The following DSCAML1 variants were observed in gnomAD, a reference collection of about 807,000 sequenced individuals.
DSCAML1 encodes the protein cell adhesion molecule DSCAML1.
In DSCAML1, 38 loss-of-function variants were observed where a neutral mutation model predicts 200.5. That is an observed-to-expected ratio of 0.19 (90% CI 0.15 to 0.25). The LOEUF (loss-of-function observed/expected upper bound fraction) is 0.25, where lower values mean the gene tolerates loss of function less well. Ranked by LOEUF, DSCAML1 falls within the 10% of genes least tolerant of loss-of-function variation. The pLI, the probability that DSCAML1 is intolerant of heterozygous loss-of-function variation, is 1.00. For missense variants in DSCAML1, 2,223 were observed against 2,858.8 expected (o/e 0.78, Z 5.07); for synonymous variants, 1,215 against 1,165.0 (o/e 1.04, Z -0.87).
intron 3 of DSCAML1, among the ~76,000 whole-genome samples, chr11:117,598,555 C>G (rs183724406): frequency 1.7e-3 from 263 of 152,258 alleles, no homozygotes; most frequent in African/African-American, 5.8e-3. Context: ...CTATTATGGG[C>G]CCCCATGCCC....
chr11:117,446,341 G>C (rs1367090583), intron 20 of DSCAML1, among the ~76,000 whole-genome samples: 1 of 152,126 alleles, frequency 6.6e-6, no homozygotes, highest in South Asian at 2.1e-4. Context: ...TCCAGCCTGG[G>C]CAATAAGAGT....
intron 3 of DSCAML1, among the ~76,000 whole-genome samples, chr11:117,731,647 A>G (rs1439976269): frequency 6.6e-6 from 1 of 152,216 alleles, no homozygotes; most frequent in African/African-American, 2.4e-5. Flanking sequence ...CACATAGCAC[A>G]TAGATCCTTA....
chr11:117,704,542 C>G (rs1211294644), intron 3 of DSCAML1, among the ~76,000 whole-genome samples: 1 of 152,158 alleles, frequency 6.6e-6, no homozygotes, highest in Non-Finnish European at 1.5e-5. Flanking sequence ...CCCGGACCAT[C>G]ATGGGCCAAG....
In DSCAML1 at chr11:117,439,287, T is replaced by G. The variant is rs749053613; in HGVS notation, c.4123A>C (p.Ile1375Leu). 1 of 1,614,046 alleles carries G rather than the reference T, an allele frequency of 6.2e-7. No individual in the cohort carries two copies. The highest frequency in any genetic ancestry group is 1.1e-5 in the South Asian group (1 of 91,070). The change falls in exon 23 of 33, where the codon ATC becomes CTC. Residue 1375 changes from isoleucine to leucine, a missense_variant. This residue lies in a region of DSCAML1 where 614 missense variants were observed against 739.1 expected (regional missense o/e 0.83). Transcript: ENST00000651296. Reference sequence around the variant, plus strand: ...TCACCTTGCACCAGAAGGTTGACGATGATGGTGTCAAAGCCACCAGTGTTG... The same window carrying G: ...TCACCTTGCACCAGAAGGTTGACGAGGATGGTGTCAAAGCCACCAGTGTTG... Reference protein sequence around the residue: ...ATNTGGFDTIIVNLLVQVPPD... With the variant: ...ATNTGGFDTILVNLLVQVPPD...
intron 11 of DSCAML1, among the ~76,000 whole-genome samples, chr11:117,492,441 G>GGC: frequency 9.9e-5 from 15 of 152,216 alleles, no homozygotes; most frequent in African/African-American, 3.4e-4. Flanking sequence ...GGGACAGCAG[G>GGC]TACCCTGAAG....
intron 3 of DSCAML1, among the ~76,000 whole-genome samples, chr11:117,659,353 C>A (rs1399412971): frequency 1.3e-5 from 2 of 152,164 alleles, no homozygotes; most frequent in African/African-American, 2.4e-5. Context: ...GACTATGAAG[C>A]CACTAACAAT....
intron 19 of DSCAML1, among the ~76,000 whole-genome samples, chr11:117,457,843 C>T (rs491812): frequency 0.44 from 66,649 of 151,978 alleles, 14,785 homozygotes; most frequent in Admixed American, 0.49. Context: ...CCATATCCCT[C>T]GAAAAAACTA....
At chr11:117,636,810 T>C (rs1364006218) in intron 3 of DSCAML1, among the ~76,000 whole-genome samples, 7 of 152,236 alleles carry the variant, frequency 4.6e-5, no homozygotes, top group Non-Finnish European at 1.0e-4. Flanking sequence ...AGGGTCGTTG[T>C]AAGGTTTAAA....
upstream of DSCAML1, among the ~76,000 whole-genome samples, chr11:117,799,389 C>T (rs540332269): frequency 1.3e-5 from 2 of 152,130 alleles, no homozygotes; most frequent in Middle Eastern, 3.2e-3. Context: ...CTGGAAGTAG[C>T]GGTGGACCCT....
rs200393179 is a variant in DSCAML1, at chr11:117,431,616, G to A, written c.5292C>T (p.Ser1764=). The A allele has an allele frequency of 2.5e-5, 41 of 1,613,188 alleles. No homozygotes were observed. The highest frequency in any genetic ancestry group is 1.6e-4 in the Middle Eastern group (1 of 6,062). ...QASTPARTLT[S]DWRTVGSQHG... ...GCTGGGAGCCCACGGTGCGCCAGTC[G>A]GAGGTGAGGGTGCGGGCAGGTGTGG... is the stretch of plus-strand genomic sequence containing the variant. The change falls in exon 31 of 33, where the codon TCC becomes TCT. Residue 1764 remains serine (S), a synonymous_variant. Transcript: ENST00000651296.
intron 14 of DSCAML1, among the ~76,000 whole-genome samples, chr11:117,475,180 CCT>C (rs963624364): frequency 4.6e-5 from 7 of 152,108 alleles, no homozygotes; most frequent in African/African-American, 9.7e-5. Context: ...CTCAGCATAC[CCT>C]GTTTCTTTCA....
At chr11:117,515,636 T>TTTTGACAG (rs869178779) in intron 8 of DSCAML1, among the ~76,000 whole-genome samples, 1 of 107,212 alleles carries the variant, frequency 9.3e-6, no homozygotes, top group Non-Finnish European at 1.8e-5. Flanking sequence ...TTTTTTTTTT[T>TTTTGACAG]GAGACAGAGT....
chr11:117,784,348 C>T (rs7124184), intron 1 of DSCAML1, among the ~76,000 whole-genome samples: 48,986 of 152,048 alleles, frequency 0.32, 8,126 homozygotes, highest in Admixed American at 0.36. Flanking sequence ...ACCCTTAAAT[C>T]ACCATTAATT....
At chr11:117,449,251 T>C (rs1388476450) in intron 20 of DSCAML1, among the ~76,000 whole-genome samples, 2 of 152,112 alleles carry the variant, frequency 1.3e-5, no homozygotes, top group Non-Finnish European at 1.5e-5. Context: ...GGTGTTGTAA[T>C]GTCCTGTTCT....
intron 12 of DSCAML1, among the ~76,000 whole-genome samples, chr11:117,481,757 G>T (rs1391074456): frequency 6.6e-6 from 1 of 152,078 alleles, no homozygotes; most frequent in East Asian, 1.9e-4. Flanking sequence ...TTGCTGTGGG[G>T]TTGTCAGAAA....
chr11:117,588,266 C>T (rs2051189384), intron 3 of DSCAML1, among the ~76,000 whole-genome samples: 1 of 152,118 alleles, frequency 6.6e-6, no homozygotes, highest in African/African-American at 2.4e-5. Flanking sequence ...GCCTGTCTGC[C>T]AGCCGTGCCC....
intron 3 of DSCAML1, among the ~76,000 whole-genome samples, chr11:117,771,298 C>T (rs2055035689): frequency 1.3e-5 from 2 of 152,210 alleles, no homozygotes; most frequent in Admixed American, 6.5e-5. Flanking sequence ...TATCCATCCC[C>T]GTCCATCAGA....
intron 3 of DSCAML1, among the ~76,000 whole-genome samples, chr11:117,650,765 T>C (rs1265576907): frequency 1.3e-5 from 2 of 151,314 alleles, no homozygotes; most frequent in Non-Finnish European, 2.9e-5. Flanking sequence ...ATTCAGATGG[T>C]CAGGGGTGGT....
chr11:117,656,558 C>T (rs117139780), intron 3 of DSCAML1, among the ~76,000 whole-genome samples: 4 of 143,014 alleles, frequency 2.8e-5, no homozygotes, highest in East Asian at 2.1e-4. Flanking sequence ...CATCCATCCA[C>T]CCATCCAAAT....
Sources: allele counts gnomAD v4.1 joint callset (sites outside exome capture counted in the v4.1 genomes callset), GRCh38; gene constraint gnomAD v4.1.1; regional missense constraint gnomAD v4.1.1; transcripts MANE v1.5; gene names NCBI Gene and HGNC (gene_info 2026-07-23, HGNC 2026-07-21).